Variants in PATJ observed in about 807,000 individuals in gnomAD.
PATJ encodes PATJ crumbs cell polarity complex component.
A neutral mutation model predicts 224.9 loss-of-function variants in PATJ; 190 were observed. That is an observed-to-expected ratio of 0.84 (90% CI 0.75 to 0.95). PATJ has a LOEUF of 0.95. Among genes scored for constraint, PATJ ranks in the 40% least tolerant of loss-of-function variants. The pLI is 0.00. For missense variants in PATJ, 2,121 were observed against 2,270.3 expected (o/e 0.93, Z 1.34); for synonymous variants, 769 against 820.3 (o/e 0.94, Z 1.07).
Position 61,751,312 on chromosome 1 carries a change from C to T in PATJ, c.-36+8757C>T, listed in dbSNP as rs539666132. Among the ~76,000 whole-genome samples, 4 of 152,130 alleles carry T rather than the reference C, an allele frequency of 2.6e-5. No individual in the cohort carries two copies. In the East Asian group the frequency reaches 7.7e-4, roughly 29 times the overall value. Reference sequence around the variant, plus strand: ...CACCACGCCTGATTCCTGATATGACCATAATTTCTGGGGAGAAGCTGGGAG... The same window carrying T: ...CACCACGCCTGATTCCTGATATGACTATAATTTCTGGGGAGAAGCTGGGAG... On this transcript the variant is annotated intron_variant, in intron 1 of 43. Transcript: ENST00000642238.
At chr1:61,965,758 C>T (rs7552976) in intron 27 of PATJ, among the ~76,000 whole-genome samples, 154 of 152,198 alleles carry the variant, frequency 1.0e-3, no homozygotes, top group African/African-American at 3.4e-3. Context: ...TTTTATTGCC[C>T]GTTTTAACCG....
chr1:62,011,813 G>A (rs1326149474), intron 28 of PATJ, among the ~76,000 whole-genome samples: 1 of 151,898 alleles, frequency 6.6e-6, no homozygotes, highest in African/African-American at 2.4e-5. Flanking sequence ...TTGTTTGCAT[G>A]AAGAGAAAGG....
intron 1 of PATJ, among the ~76,000 whole-genome samples, chr1:61,760,639 CAG>C (rs1276085800): frequency 2.3e-5 from 3 of 131,852 alleles, no homozygotes. Context: ...TTTTTTGAGA[CAG>C]AGTCTGGCTT....
intron 31 of PATJ, among the ~76,000 whole-genome samples, chr1:62,064,619 G>A (rs1052388399): frequency 6.6e-6 from 1 of 152,126 alleles, no homozygotes; most frequent in Non-Finnish European, 1.5e-5. Flanking sequence ...GAGCCACCGC[G>A]CCGGGCCTTC....
intron 23 of PATJ, among the ~76,000 whole-genome samples, chr1:61,900,767 T>A (rs1671043719): frequency 6.6e-6 from 1 of 152,110 alleles, no homozygotes; most frequent in African/African-American, 2.4e-5. Flanking sequence ...TTTTTTGTAT[T>A]TTTAGTAGAG....
chr1:61,810,958 T>A (rs182261489), intron 14 of PATJ, among the ~76,000 whole-genome samples: 1 of 152,112 alleles, frequency 6.6e-6, no homozygotes, highest in African/African-American at 2.4e-5. Flanking sequence ...TCATTTGTTA[T>A]TAATTACTGC....
At chr1:61,867,648 T>G (rs1665640148) in intron 20 of PATJ, among the ~76,000 whole-genome samples, 1 of 151,560 alleles carries the variant, frequency 6.6e-6, no homozygotes, top group Non-Finnish European at 1.5e-5. Context: ...AAACCAGCAT[T>G]GAGTAAGACT....
chr1:62,071,195 C>T (rs1046332445), intron 31 of PATJ, among the ~76,000 whole-genome samples: 2 of 152,184 alleles, frequency 1.3e-5, no homozygotes, highest in African/African-American at 4.8e-5. Context: ...CTTTCTAGGT[C>T]GCTTCCAAGA....
At chr1:61,820,358 T>TA (rs1214711475) in intron 14 of PATJ, among the ~76,000 whole-genome samples, 2 of 151,278 alleles carry the variant, frequency 1.3e-5, no homozygotes, top group African/African-American at 4.9e-5. Context: ...TTTATTTATT[T>TA]AGAGACGGAG....
chr1:62,002,849 G>A (rs189684500), intron 28 of PATJ, among the ~76,000 whole-genome samples: 5 of 152,256 alleles, frequency 3.3e-5, no homozygotes, highest in African/African-American at 1.2e-4. Context: ...TACTTTGAAG[G>A]CAAGAGAAAA....
intron 41 of PATJ, among the ~76,000 whole-genome samples, chr1:62,140,883 T>G (rs1667432047): frequency 6.6e-6 from 1 of 151,814 alleles, no homozygotes; most frequent in Non-Finnish European, 1.5e-5. Context: ...CACTCCACCC[T>G]GGGTGAGAGA....
In PATJ at chr1:62,131,872, A is replaced by T. The variant is rs1000830616; in HGVS notation, c.5271+2927A>T. ...CAAATATTAGGATGAATGAATTATT[A>T]TTTTTTTTTTTTTGAGATGGAGTCT... On this transcript the variant is annotated intron_variant, in intron 41 of 43. Coordinates refer to ENST00000642238, the MANE Select transcript of PATJ (RefSeq NM_001350145.3). 1.6e-3 allele frequency among the ~76,000 whole-genome samples: 231 copies of T among 146,558 alleles called. 1 individual carries two copies. Among genetic ancestry groups the T allele is most frequent in the Non-Finnish European group, 3.6e-4 (24 of 66,302 alleles).
intron 28 of PATJ, among the ~76,000 whole-genome samples, chr1:62,010,810 C>T (rs1646403568): frequency 6.6e-6 from 1 of 152,196 alleles, no homozygotes; most frequent in South Asian, 2.1e-4. Flanking sequence ...TCCTTCTTCA[C>T]ATGAAAGGCT....
intron 43 of PATJ, among the ~76,000 whole-genome samples, chr1:62,158,515 T>C (rs149149381): frequency 0.011 from 1,572 of 147,980 alleles, 75 homozygotes; most frequent in African/African-American, 0.025. Flanking sequence ...GTCAGGAGAT[T>C]GAGACCATCC....
intron 26 of PATJ, among the ~76,000 whole-genome samples, chr1:61,921,115 A>AT (rs1674270595): frequency 1.3e-5 from 2 of 152,078 alleles, no homozygotes; most frequent in Admixed American, 6.6e-5. Flanking sequence ...TGGTTTGTTT[A>AT]TTTTTTTAAA....
At chr1:61,871,356 C>T (rs1213250608) in intron 20 of PATJ, among the ~76,000 whole-genome samples, 3 of 91,850 alleles carry the variant, frequency 3.3e-5, no homozygotes, top group African/African-American at 8.7e-5. Flanking sequence ...GGATTACAGG[C>T]ATGCGCCACC....
At chr1:61,892,481 A>G (rs7522779) in intron 22 of PATJ, among the ~76,000 whole-genome samples, 149,930 of 152,226 alleles carry the variant, frequency 0.98, 73,873 homozygotes, top group East Asian at 1. Flanking sequence ...TTGTTTGCTC[A>G]TGGGGTACTC....
At chr1:62,101,716 G>A (rs1315768742) in intron 33 of PATJ, among the ~76,000 whole-genome samples, 1 of 152,112 alleles carries the variant, frequency 6.6e-6, no homozygotes, top group Admixed American at 6.5e-5. Context: ...TTGGTTAAAG[G>A]TGTTTCAGAC....
intron 35 of PATJ, among the ~76,000 whole-genome samples, chr1:62,115,376 T>G (rs1176460503): frequency 6.6e-6 from 1 of 151,980 alleles, no homozygotes; most frequent in African/African-American, 2.4e-5. Flanking sequence ...CTCACGTCTA[T>G]AATCCCAACA....
Sources: gnomAD v4.1 joint callset for allele counts (sites outside exome capture counted in the v4.1 genomes callset) on GRCh38, gnomAD v4.1.1 for gene constraint, MANE v1.5 for transcripts, NCBI Gene and HGNC (gene_info 2026-07-23, HGNC 2026-07-21) for gene names.